The following PTPRQ variants were observed in gnomAD, a reference collection of about 807,000 sequenced individuals.
PTPRQ encodes the protein phosphatidylinositol phosphatase PTPRQ.
In PTPRQ, 199 loss-of-function variants were observed where a neutral mutation model predicts 246.0. The ratio of observed to expected loss-of-function variants is 0.81; its 90% CI spans 0.72 to 0.91. The LOEUF (loss-of-function observed/expected upper bound fraction) is 0.91, where lower values mean the gene tolerates loss of function less well. Ranked by LOEUF, PTPRQ falls within the 40% of genes least tolerant of loss-of-function variation. The pLI, the probability that PTPRQ is intolerant of heterozygous loss-of-function variation, is 0.00. For synonymous variants in PTPRQ, 869 were observed against 853.2 expected (o/e 1.02, Z -0.32); for missense variants, 2,624 against 2,528.4 (o/e 1.04, Z -0.81).
At chr12:80,448,985 C>G (rs1892647627) in intron 3 of PTPRQ, among the ~76,000 whole-genome samples, 1 of 151,222 alleles carries the variant, frequency 6.6e-6, no homozygotes, top group Admixed American at 6.6e-5. Context: ...GTTTACAGTC[C>G]CACCAACAGT....
chr12:80,463,060 A>G (rs1893256410), intron 6 of PTPRQ, among the ~76,000 whole-genome samples: 1 of 152,208 alleles, frequency 6.6e-6, no homozygotes, highest in South Asian at 2.1e-4. Flanking sequence ...CGGACGATCA[A>G]ACTACTCCGA....
intron 35 of PTPRQ, among the ~76,000 whole-genome samples, chr12:80,642,704 A>G (rs1389678937): frequency 6.6e-6 from 1 of 150,770 alleles, no homozygotes; most frequent in Admixed American, 6.6e-5. Flanking sequence ...GCGGATCACG[A>G]GGTCAGGAGA....
intron 39 of PTPRQ, among the ~76,000 whole-genome samples, chr12:80,665,786 C>A (rs1012131492): frequency 6.6e-6 from 1 of 151,832 alleles, no homozygotes; most frequent in Non-Finnish European, 1.5e-5. Flanking sequence ...GGCAAATGAG[C>A]TGAATGAACA....
At chr12:80,449,342 G>A (rs1892666584) in intron 3 of PTPRQ, among the ~76,000 whole-genome samples, 3 of 152,040 alleles carry the variant, frequency 2.0e-5, no homozygotes, top group Admixed American at 2.0e-4. Flanking sequence ...TCACTCTGAT[G>A]GTAGTTTCTT....
chr12:80,524,829 G>T (rs1201132232), intron 17 of PTPRQ, among the ~76,000 whole-genome samples: 1 of 152,082 alleles, frequency 6.6e-6, no homozygotes, highest in Non-Finnish European at 1.5e-5. Context: ...GACAGAATAA[G>T]AATTCACACC....
Position 80,661,600 on chromosome 12 carries a change from A to G in PTPRQ, c.6192+3539A>G, listed in dbSNP as rs760752279. ...ACAAATATATCACCATCAATGCCCAACACATTTTCTTTAGCATAATAAAGC... is the reference window on the plus strand; with the variant it reads ...ACAAATATATCACCATCAATGCCCAGCACATTTTCTTTAGCATAATAAAGC... On this transcript the variant is annotated intron_variant, in intron 39 of 44. Transcript: ENST00000644991. Among the ~76,000 whole-genome samples, 5 of 151,772 alleles carry G rather than the reference A, an allele frequency of 3.3e-5. No individual in the cohort carries two copies. The East Asian group carries it at 9.7e-4, about 29-fold the overall frequency.
intron 28 of PTPRQ, among the ~76,000 whole-genome samples, chr12:80,612,805 ACT>A (rs1898603619): frequency 6.7e-6 from 1 of 150,358 alleles, no homozygotes; most frequent in East Asian, 2.0e-4. Flanking sequence ...GATTAAACAA[ACT>A]CTGCTACATC....
intron 9 of PTPRQ, 112 bp from the exon 10 acceptor site, chr12:80,493,163 A>G: frequency 8.3e-7 from 1 of 1,199,014 alleles, no homozygotes. Flanking sequence ...GAAATATGTT[A>G]TCTTTTATAA....
At chr12:80,620,091 A>T in intron 31 of PTPRQ, 63 bp from the exon 32 acceptor site, 1 of 1,471,810 alleles carries the variant, frequency 6.8e-7, no homozygotes, top group Non-Finnish European at 9.0e-7. Context: ...AACACTATTT[A>T]TAATTGTAAA....
intron 35 of PTPRQ, among the ~76,000 whole-genome samples, chr12:80,643,837 T>A (rs1028932937): frequency 1.3e-5 from 2 of 152,216 alleles, no homozygotes; most frequent in African/African-American, 4.8e-5. Context: ...ATATTAATAT[T>A]GTACCAGAGA....
At chr12:80,481,538 G>A (rs1894057911) in intron 8 of PTPRQ, among the ~76,000 whole-genome samples, 1 of 152,102 alleles carries the variant, frequency 6.6e-6, no homozygotes, top group Admixed American at 6.5e-5. Flanking sequence ...AATTAGGCAG[G>A]AGAAGGAAAT....
intron 35 of PTPRQ, among the ~76,000 whole-genome samples, chr12:80,645,953 T>C (rs1348633665): frequency 6.6e-6 from 1 of 152,134 alleles, no homozygotes; most frequent in Non-Finnish European, 1.5e-5. Context: ...GTATTAGAGA[T>C]TTGTTTGGGA....
At chr12:80,523,520 C>T (rs1895579079) in intron 17 of PTPRQ, among the ~76,000 whole-genome samples, 1 of 152,154 alleles carries the variant, frequency 6.6e-6, no homozygotes, top group Non-Finnish European at 1.5e-5. Flanking sequence ...AAATTTCCCT[C>T]TACACACTGC....
At chr12:80,453,135 C>T (rs905449611) in intron 3 of PTPRQ, among the ~76,000 whole-genome samples, 70 of 152,232 alleles carry the variant, frequency 4.6e-4, no homozygotes, top group African/African-American at 1.6e-3. Flanking sequence ...ATCACTGATA[C>T]CCTTTCTTCC....
chr12:80,473,652 AATAGGGAAATAGATAATGC>A (rs1226109961), intron 8 of PTPRQ, among the ~76,000 whole-genome samples: 12 of 152,356 alleles, frequency 7.9e-5, no homozygotes, highest in African/African-American at 2.4e-4. Context: ...ATGTGACAAA[AATAGGGAAATAGATAATGC>A]ATATGCTGTG....
intron 12 of PTPRQ, among the ~76,000 whole-genome samples, chr12:80,495,597 T>A (rs1052084327): frequency 2.0e-5 from 3 of 152,010 alleles, no homozygotes; most frequent in African/African-American, 7.2e-5. Context: ...GTAAAAAGCA[T>A]CAGATCACAA....
At position 80,455,073 on chromosome 12, in the gene PTPRQ, T is replaced by TG. The variant is rs141012030; in HGVS notation, c.391-2501dup. Reference sequence around the variant, plus strand: ...CTGTAATCCCAGCTACTCTGGGGGTTGAGGCAGGAGAGTCACTTGAACCCG... The same window carrying TG: ...CTGTAATCCCAGCTACTCTGGGGGTTGGAGGCAGGAGAGTCACTTGAACCCG... On this transcript the variant is annotated intron_variant, in intron 3 of 44. Coordinates refer to ENST00000644991, the MANE Select transcript of PTPRQ (RefSeq NM_001145026.2). 7.8e-3 allele frequency among the ~76,000 whole-genome samples: 1,182 copies of TG among 152,292 alleles called. 18 individuals are homozygous for TG. The highest frequency in any genetic ancestry group is 0.027 in the African/African-American group (1,141 of 41,564).
At chr12:80,540,775 A>G (rs138658223) in intron 20 of PTPRQ, among the ~76,000 whole-genome samples, 1 of 152,222 alleles carries the variant, frequency 6.6e-6, no homozygotes, top group East Asian at 1.9e-4. Context: ...GGGAGTCTTT[A>G]GCAAAAATGT....
At chr12:80,460,628 C>T (rs777666031) in intron 5 of PTPRQ, 25 bp from the exon 6 acceptor site, 6 of 398,270 alleles carry the variant, frequency 1.5e-5, no homozygotes, top group African/African-American at 1.2e-4. Context: ...CATTATTTCT[C>T]TATTGATCTT....
Sources: allele counts gnomAD v4.1 joint callset (sites outside exome capture counted in the v4.1 genomes callset), GRCh38; gene constraint gnomAD v4.1.1; transcripts MANE v1.5; gene names NCBI Gene and HGNC (gene_info 2026-07-23, HGNC 2026-07-21).